The following GANC variants were observed in gnomAD, a reference collection of about 807,000 sequenced individuals.
GANC encodes neutral alpha-glucosidase C.
GANC carries 117 observed loss-of-function variants against 124.2 expected under a neutral mutation model. The ratio of observed to expected loss-of-function variants is 0.94; its 90% CI spans 0.81 to 1.10. The LOEUF is 1.10. Among genes scored for constraint, GANC ranks in the 50% least tolerant of loss-of-function variants. GANC has a pLI of 0.00. For synonymous variants in GANC, 377 were observed against 376.8 expected (o/e 1.00, Z -0.01); for missense variants, 1,140 against 1,095.0 (o/e 1.04, Z -0.58).
chr15:42,291,043 C>A (rs1166748428), intron 4 of GANC, among the ~76,000 whole-genome samples: 1 of 152,016 alleles, frequency 6.6e-6, no homozygotes, highest in Non-Finnish European at 1.5e-5. Context: ...TACCACCCTT[C>A]ACTGCCTCCA....
At chr15:42,343,859 G>C (rs1046071743) in intron 19 of GANC, among the ~76,000 whole-genome samples, 1 of 152,170 alleles carries the variant, frequency 6.6e-6, no homozygotes, top group South Asian at 2.1e-4. Context: ...CAGACTAAGG[G>C]AGGAGGGTGT....
intron 20 of GANC, among the ~76,000 whole-genome samples, chr15:42,347,298 G>A (rs1441524089): frequency 6.6e-6 from 1 of 152,050 alleles, no homozygotes; most frequent in Non-Finnish European, 1.5e-5. Flanking sequence ...CTGAACTACT[G>A]AGTCCTCAGT....
At chr15:42,276,773 C>T (rs568462001) in intron 2 of GANC, among the ~76,000 whole-genome samples, 13 of 152,108 alleles carry the variant, frequency 8.5e-5, no homozygotes, top group Admixed American at 3.9e-4. Context: ...CCCGAATAAC[C>T]GAATTTCTTC....
At chr15:42,301,928 C>T (rs772607060) in intron 6 of GANC, among the ~76,000 whole-genome samples, 6 of 152,234 alleles carry the variant, frequency 3.9e-5, no homozygotes, top group Non-Finnish European at 5.9e-5. Flanking sequence ...GGTGCAGCTT[C>T]AGCAGACTTA....
At chr15:42,303,624 A>G (rs545952363) in intron 6 of GANC, among the ~76,000 whole-genome samples, 139 of 151,262 alleles carry the variant, frequency 9.2e-4, no homozygotes, top group African/African-American at 3.2e-3. Flanking sequence ...TCACGTGCAG[A>G]GACACCCATA....
chr15:42,322,226 G>A (rs1180301952), intron 11 of GANC, among the ~76,000 whole-genome samples: 3 of 152,124 alleles, frequency 2.0e-5, no homozygotes, highest in Non-Finnish European at 1.5e-5. Context: ...TAGTTATCTA[G>A]GTCACCATAA....
intron 3 of GANC, among the ~76,000 whole-genome samples, chr15:42,283,320 AG>A (rs889816755): frequency 2.0e-5 from 3 of 152,248 alleles, no homozygotes; most frequent in Non-Finnish European, 2.9e-5. Context: ...AGAAGTTTCC[AG>A]AAAATAGAAA....
chr15:42,344,304 T>C (rs1473218006), intron 19 of GANC, among the ~76,000 whole-genome samples: 2 of 152,158 alleles, frequency 1.3e-5, no homozygotes, highest in Non-Finnish European at 2.9e-5. Flanking sequence ...TGTTCATGCC[T>C]CCCTCTTAGC....
chr15:42,345,909 A>C, intron 20 of GANC, 77 bp downstream of exon 20: 1 of 1,003,480 alleles, frequency 1.0e-6, no homozygotes. Flanking sequence ...AAAATACCAC[A>C]GACTGGGTGG....
chr15:42,278,827 C>G (rs1251765338), intron 3 of GANC, among the ~76,000 whole-genome samples: 2 of 152,194 alleles, frequency 1.3e-5, no homozygotes, highest in South Asian at 4.1e-4. Context: ...AAACCCATCT[C>G]TACAAAAAGT....
intron 5 of GANC, among the ~76,000 whole-genome samples, chr15:42,294,738 A>G (rs765140215): frequency 6.6e-6 from 1 of 151,332 alleles, no homozygotes; most frequent in African/African-American, 2.5e-5. Context: ...TCTGTTAACA[A>G]TGTGATAATT....
chr15:42,350,022 C>CTTTTTTTTT (rs753077889), intron 22 of GANC, among the ~76,000 whole-genome samples: 34 of 75,034 alleles, frequency 4.5e-4, no homozygotes, highest in Non-Finnish European at 7.0e-4. Context: ...CTTTCCCCCA[C>CTTTTTTTTT]TTTTTTTTTT....
intron 3 of GANC, among the ~76,000 whole-genome samples, chr15:42,282,521 A>G (rs974437473): frequency 2.0e-5 from 3 of 152,208 alleles, no homozygotes; most frequent in Non-Finnish European, 4.4e-5. Context: ...TAAGAGGATC[A>G]TATTCAGCTC....
In GANC at chr15:42,349,380, C is replaced by T; in HGVS notation, c.2419-3C>T. Reference sequence around the variant, plus strand: ...CATTCTGTCTCTGTGATTCATTCTCCAGGGTTCTTCAGTGGGTGAGTTATA... The same window carrying T: ...CATTCTGTCTCTGTGATTCATTCTCTAGGGTTCTTCAGTGGGTGAGTTATA... On this transcript the variant is annotated splice_region_variant and splice_polypyrimidine_tract_variant and intron_variant, in intron 21 of 23. Transcript: ENST00000318010. The T allele has an allele frequency of 2.6e-6, 4 of 1,564,490 alleles. No homozygotes were observed. Among genetic ancestry groups the T allele is most frequent in the Non-Finnish European group, 3.5e-6 (4 of 1,135,072 alleles).
chr15:42,343,898 C>G (rs2052345338), intron 19 of GANC, among the ~76,000 whole-genome samples: 1 of 152,106 alleles, frequency 6.6e-6, no homozygotes, highest in African/African-American at 2.4e-5. Flanking sequence ...GAGACAGACC[C>G]TAGAGAGCAT....
intron 6 of GANC, among the ~76,000 whole-genome samples, chr15:42,301,176 G>A (rs1014083927): frequency 3.3e-5 from 5 of 152,182 alleles, no homozygotes; most frequent in Admixed American, 2.0e-4. Context: ...CATCTCATTG[G>A]GACTGGTTAG....
At chr15:42,308,721 G>A (rs2052022587) in intron 8 of GANC, among the ~76,000 whole-genome samples, 1 of 152,122 alleles carries the variant, frequency 6.6e-6, no homozygotes. Flanking sequence ...TCCTGACCTT[G>A]TGATTCACCC....
intron 18 of GANC, 64 bp downstream of exon 18, chr15:42,340,818 G>A (rs1387952892): frequency 3.8e-6 from 5 of 1,318,750 alleles, no homozygotes; most frequent in Non-Finnish European, 4.2e-6. Context: ...CTAGGCTGGA[G>A]TGCAGTGATG....
chr15:42,273,220 C>T lies in GANC; in HGVS notation c.-1262C>T. ...GCCGCCGTAGCCCCACCCCTTGCTC[C>T]TCTAGGTTCAGACGTTAGTGAAGTG... is the stretch of plus-strand genomic sequence containing the variant. On this transcript the variant is annotated 5_prime_UTR_variant, in exon 1 of 24. Coordinates refer to ENST00000318010, the MANE Select transcript of GANC (RefSeq NM_198141.3). 1 of 1,612,724 alleles carries T rather than the reference C, an allele frequency of 6.2e-7. No individual in the cohort carries two copies.
Sources: allele counts gnomAD v4.1 joint callset (sites outside exome capture counted in the v4.1 genomes callset), GRCh38; gene constraint gnomAD v4.1.1; transcripts MANE v1.5; gene names NCBI Gene and HGNC (gene_info 2026-07-23, HGNC 2026-07-21).